DPP10: variants seen among roughly 807,000 people sequenced by gnomAD.
DPP10 encodes dipeptidyl peptidase like 10.
DPP10 carries 33 observed loss-of-function variants against 120.9 expected under a neutral mutation model. The ratio of observed to expected loss-of-function variants is 0.27; its 90% CI spans 0.21 to 0.37. The LOEUF (loss-of-function observed/expected upper bound fraction) is 0.37. Ranked by LOEUF, DPP10 falls within the 10% of genes least tolerant of loss-of-function variation. DPP10 has a pLI of 1.00. For missense variants in DPP10, 816 were observed against 942.8 expected, an observed-to-expected ratio of 0.87 and a Z score of 1.76; for synonymous variants, 337 against 326.1, an observed-to-expected ratio of 1.03 and a Z score of -0.36.
At chr2:114,889,564 A>T (rs553872124) in intron 1 of DPP10, among the ~76,000 whole-genome samples, 2 of 152,168 alleles carry the variant, frequency 1.3e-5, no homozygotes, top group South Asian at 4.1e-4. Flanking sequence ...ACTTTTAAAC[A>T]TTCTATATAA....
At chr2:115,715,500 C>T (rs776936880) in intron 7 of DPP10, among the ~76,000 whole-genome samples, 2 of 152,116 alleles carry the variant, frequency 1.3e-5, no homozygotes, top group African/African-American at 2.4e-5. Flanking sequence ...CAGATTCCAA[C>T]AACACTTTCT....
intron 1 of DPP10, among the ~76,000 whole-genome samples, chr2:115,308,693 G>GTTTTTT (rs3068805): frequency 7.9e-6 from 1 of 126,642 alleles, no homozygotes; most frequent in African/African-American, 2.9e-5. Context: ...ACTAAATCCT[G>GTTTTTT]TTTTTTTTTT....
intron 1 of DPP10, among the ~76,000 whole-genome samples, chr2:114,679,863 A>G (rs1698909993): frequency 6.6e-6 from 1 of 151,996 alleles, no homozygotes; most frequent in South Asian, 2.1e-4. Context: ...CTTATGGAGC[A>G]AGGACTGGAG....
chr2:114,704,180 T>C (rs185728556), intron 1 of DPP10, among the ~76,000 whole-genome samples: 3 of 152,202 alleles, frequency 2.0e-5, no homozygotes, highest in East Asian at 1.9e-4. Context: ...TAGATAAAGA[T>C]GGGATTAGGC....
intron 1 of DPP10, among the ~76,000 whole-genome samples, chr2:114,893,493 A>T (rs934709553): frequency 2.6e-5 from 4 of 152,092 alleles, no homozygotes; most frequent in Non-Finnish European, 4.4e-5. Flanking sequence ...TTATGCTGTG[A>T]TGAGAAAATA....
intron 1 of DPP10, among the ~76,000 whole-genome samples, chr2:114,916,528 A>G (rs1231110057): frequency 6.6e-6 from 1 of 152,044 alleles, no homozygotes; most frequent in Non-Finnish European, 1.5e-5. Context: ...ACAACAGCAA[A>G]AGCTTCAGGC....
chr2:115,241,113 A>G (rs1474001068), intron 1 of DPP10, among the ~76,000 whole-genome samples: 1 of 152,160 alleles, frequency 6.6e-6, no homozygotes, highest in Non-Finnish European at 1.5e-5. Context: ...TACTAAAAAT[A>G]CAAAAATTAG....
At chr2:115,677,598 G>T (rs555467878) in intron 5 of DPP10, among the ~76,000 whole-genome samples, 1 of 151,990 alleles carries the variant, frequency 6.6e-6, no homozygotes, top group South Asian at 2.1e-4. Context: ...TCATACAAAT[G>T]GAAATAAAAA....
At chr2:114,543,880 T>TTGTTGG (rs1553459515) in intron 1 of DPP10, among the ~76,000 whole-genome samples, 1 of 151,258 alleles carries the variant, frequency 6.6e-6, no homozygotes, top group African/African-American at 2.4e-5. Flanking sequence ...TTTTTTGTTG[T>TTGTTGG]TGGTGGTGGT....
intron 1 of DPP10, among the ~76,000 whole-genome samples, chr2:114,696,004 A>T (rs1700046472): frequency 1.3e-5 from 2 of 152,124 alleles, no homozygotes; most frequent in Non-Finnish European, 2.9e-5. Context: ...CAAAATATAC[A>T]TGAACTTTAT....
chr2:115,171,358 C>CAAAAAAAAAAAAAAAAAAAA (rs752738778), intron 1 of DPP10, among the ~76,000 whole-genome samples: 2 of 114,384 alleles, frequency 1.7e-5, no homozygotes, highest in Non-Finnish European at 3.8e-5. Context: ...GAGACTCCAT[C>CAAAAAAAAAAAAAAAAAAAA]AAAAAAAAAA....
At position 114,442,703 on chromosome 2, in the gene DPP10, T is replaced by A; in HGVS notation, c.-76T>A. On this transcript the variant is annotated 5_prime_UTR_variant, in exon 1 of 26. Transcript: ENST00000410059. ...GCAACAGCAGCAGCCCCTACTGAAG[T>A]CCAATAGAGGAGACTTGATCTCTAG... 1 of 1,565,078 alleles carries A rather than the reference T, an allele frequency of 6.4e-7. No individual in the cohort carries two copies. Among genetic ancestry groups the A allele is most frequent in the Non-Finnish European group, 8.8e-7 (1 of 1,141,814 alleles).
chr2:114,587,461 C>T (rs763554747), intron 1 of DPP10, among the ~76,000 whole-genome samples: 13 of 151,746 alleles, frequency 8.6e-5, no homozygotes, highest in Non-Finnish European at 1.3e-4. Context: ...ATAGGATCTA[C>T]GTTGAGTCAT....
intron 1 of DPP10, among the ~76,000 whole-genome samples, chr2:115,103,820 T>A (rs1318457020): frequency 3.9e-5 from 6 of 152,218 alleles, no homozygotes; most frequent in African/African-American, 1.4e-4. Flanking sequence ...TAGTTTGCTT[T>A]GCTCTGCTTC....
intron 1 of DPP10, among the ~76,000 whole-genome samples, chr2:115,050,723 C>A (rs1177966867): frequency 1.3e-5 from 2 of 152,144 alleles, no homozygotes; most frequent in East Asian, 3.9e-4. Context: ...ATTAATCTCT[C>A]GCCACTGACT....
intron 1 of DPP10, among the ~76,000 whole-genome samples, chr2:115,261,017 A>G (rs1219456143): frequency 6.6e-6 from 1 of 152,034 alleles, no homozygotes; most frequent in Non-Finnish European, 1.5e-5. Context: ...ACAGTGGAAA[A>G]TACTGCATAG....
At chr2:114,659,033 CTCTCT>C (rs1314070272) in intron 1 of DPP10, among the ~76,000 whole-genome samples, 1 of 152,162 alleles carries the variant, frequency 6.6e-6, no homozygotes. Context: ...CCTACACACT[CTCTCT>C]TCTCTCTCAC....
chr2:114,854,978 G>C (rs1031141887), intron 1 of DPP10, among the ~76,000 whole-genome samples: 2 of 152,094 alleles, frequency 1.3e-5, no homozygotes, highest in Non-Finnish European at 2.9e-5. Flanking sequence ...GAAATTGCTG[G>C]TCTACTTCTA....
chr2:115,681,889 A>G (rs2090687075), intron 5 of DPP10, among the ~76,000 whole-genome samples: 3 of 150,394 alleles, frequency 2.0e-5, no homozygotes, highest in Admixed American at 6.7e-5. Flanking sequence ...CTAAGATTTG[A>G]TCCTATTGAA....
Sources: gnomAD v4.1 joint callset for allele counts (sites outside exome capture counted in the v4.1 genomes callset) on GRCh38, gnomAD v4.1.1 for gene constraint, MANE v1.5 for transcripts, NCBI Gene and HGNC (gene_info 2026-07-23, HGNC 2026-07-21) for gene names.